FAM107B: variants seen among roughly 807,000 people sequenced by gnomAD.
The protein encoded by FAM107B is protein FAM107B.
FAM107B carries 21 observed loss-of-function variants against 31.5 expected under a neutral mutation model. That is an observed-to-expected ratio of 0.67 (90% CI 0.47 to 0.96). The LOEUF is 0.96. Among genes scored for constraint, FAM107B ranks in the 40% least tolerant of loss-of-function variants. The pLI is 0.00. For synonymous variants in FAM107B, 157 were observed against 141.5 expected (o/e 1.11, Z -0.78); for missense variants, 452 against 377.1 (o/e 1.20, Z -1.64).
chr10:14,615,724 G>A (rs1332273823), intron 2 of FAM107B, among the ~76,000 whole-genome samples: 2 of 152,238 alleles, frequency 1.3e-5, no homozygotes, highest in African/African-American at 4.8e-5. Context: ...GTGGAAAGGA[G>A]TGAGCTAGAT....
intron 2 of FAM107B, among the ~76,000 whole-genome samples, chr10:14,666,344 G>A (rs914719314): frequency 6.6e-6 from 1 of 152,146 alleles, no homozygotes; most frequent in African/African-American, 2.4e-5. Flanking sequence ...CATGACAGTA[G>A]CAAGGAGAAG....
chr10:14,754,157 T>A (rs990036504), intron 1 of FAM107B, among the ~76,000 whole-genome samples: 11 of 152,176 alleles, frequency 7.2e-5, no homozygotes, highest in African/African-American at 2.7e-4. Flanking sequence ...CAGACTGGTC[T>A]CAAACTCCTG....
intron 1 of FAM107B, among the ~76,000 whole-genome samples, chr10:14,728,575 A>G (rs1856090884): frequency 6.6e-6 from 1 of 152,160 alleles, no homozygotes; most frequent in Non-Finnish European, 1.5e-5. Flanking sequence ...CCACCCTGAT[A>G]TCTCCTTAGA....
chr10:14,546,415 G>C (rs1848698440), intron 2 of FAM107B, among the ~76,000 whole-genome samples: 1 of 152,180 alleles, frequency 6.6e-6, no homozygotes, highest in South Asian at 2.1e-4. Context: ...ATTACCTCTG[G>C]ATCAGTAACT....
chr10:14,663,091 T>C (rs1163050150), intron 2 of FAM107B, among the ~76,000 whole-genome samples: 1 of 152,238 alleles, frequency 6.6e-6, no homozygotes, highest in Non-Finnish European at 1.5e-5. Flanking sequence ...GTTCTTCAGC[T>C]TTTGGACTCT....
At chr10:14,625,133 G>C (rs923831212) in intron 2 of FAM107B, among the ~76,000 whole-genome samples, 1 of 151,774 alleles carries the variant, frequency 6.6e-6, no homozygotes, top group Non-Finnish European at 1.5e-5. Flanking sequence ...GCTGAGGCAG[G>C]AGAATTGCTT....
intron 1 of FAM107B, chr10:14,723,373 C>T (rs1257055728): frequency 5.5e-6 from 3 of 548,080 alleles, no homozygotes; most frequent in African/African-American, 3.8e-5. Flanking sequence ...TCGATTTGCC[C>T]TGAAATTCCT....
chr10:14,567,333 C>A (rs1220740983), intron 2 of FAM107B, among the ~76,000 whole-genome samples: 1 of 152,086 alleles, frequency 6.6e-6, no homozygotes, highest in African/African-American at 2.4e-5. Context: ...CAGAGAATGG[C>A]CTTCGCACGA....
intron 2 of FAM107B, among the ~76,000 whole-genome samples, chr10:14,588,772 G>C (rs1460188499): frequency 6.6e-6 from 1 of 152,120 alleles, no homozygotes; most frequent in Non-Finnish European, 1.5e-5. Flanking sequence ...CAGCTTCAGA[G>C]CTCCCCAGGA....
At chr10:14,584,467 A>T (rs1198163471) in intron 2 of FAM107B, among the ~76,000 whole-genome samples, 1 of 152,252 alleles carries the variant, frequency 6.6e-6, no homozygotes, top group African/African-American at 2.4e-5. Context: ...TAAACAAAAA[A>T]GTCTCAAAAC....
At position 14,522,372 on chromosome 10, in the gene FAM107B, G is replaced by A. The variant is rs1003719597; in HGVS notation, c.654-353C>T. On this transcript the variant is annotated intron_variant, in intron 3 of 4. Coordinates refer to ENST00000181796, the MANE Select transcript of FAM107B (RefSeq NM_031453.4). Reference sequence around the variant, plus strand: ...AGACGGAGATGGTCAGGAAATGAGGGGGCTCTGCATGGAGGGGAGGCTTCC... The same window carrying A: ...AGACGGAGATGGTCAGGAAATGAGGAGGCTCTGCATGGAGGGGAGGCTTCC... 9 of 195,158 alleles carry A rather than the reference G, an allele frequency of 4.6e-5. No individual in the cohort carries two copies. The East Asian group carries it at 6.7e-4, about 15-fold the overall frequency. The allele number at this position is 195,158 out of a possible 1,614,324, so 12.1% of individuals were successfully genotyped here. A position where few individuals can be genotyped will look rare whatever the true frequency, so the allele number is the denominator to read the frequency against.
chr10:14,604,143 CGAGAGGGT>C, intron 2 of FAM107B: 4 of 840,582 alleles, frequency 4.8e-6, no homozygotes, highest in Non-Finnish European at 4.3e-6. Context: ...GCCCGCCCGC[CGAGAGGGT>C]CCCCGGAGCC....
chr10:14,560,127 T>C (rs1850109910), intron 2 of FAM107B, among the ~76,000 whole-genome samples: 1 of 152,140 alleles, frequency 6.6e-6, no homozygotes, highest in African/African-American at 2.4e-5. Context: ...GGTCCTTGTG[T>C]ACCCCACACT....
chr10:14,544,721 C>T (rs1311704890), intron 2 of FAM107B, among the ~76,000 whole-genome samples: 2 of 151,774 alleles, frequency 1.3e-5, no homozygotes, highest in East Asian at 1.9e-4. Context: ...ATATTTATTC[C>T]GGCATGGTCT....
intron 2 of FAM107B, among the ~76,000 whole-genome samples, chr10:14,588,708 C>T (rs1224021083): frequency 1.3e-5 from 2 of 152,122 alleles, no homozygotes; most frequent in Non-Finnish European, 2.9e-5. Flanking sequence ...TCCTCCCCAC[C>T]CATCACCCCA....
intron 2 of FAM107B, among the ~76,000 whole-genome samples, chr10:14,590,888 C>A (rs1851994237): frequency 6.7e-6 from 1 of 148,750 alleles, no homozygotes; most frequent in Non-Finnish European, 1.5e-5. Flanking sequence ...ACTTGAGAGG[C>A]TGAGGCAGGA....
intron 1 of FAM107B, among the ~76,000 whole-genome samples, chr10:14,768,367 T>C (rs1240056832): frequency 6.6e-6 from 1 of 152,198 alleles, no homozygotes. Flanking sequence ...AGAACAACAT[T>C]GGAAGTCTCA....
intron 2 of FAM107B, among the ~76,000 whole-genome samples, chr10:14,616,331 A>T (rs1184567417): frequency 6.6e-6 from 1 of 152,218 alleles, no homozygotes; most frequent in Non-Finnish European, 1.5e-5. Flanking sequence ...CACCACAGAA[A>T]TGAAAAGACA....
At chr10:14,762,299 A>G (rs1833064427) in intron 1 of FAM107B, among the ~76,000 whole-genome samples, 1 of 152,168 alleles carries the variant, frequency 6.6e-6, no homozygotes, top group Non-Finnish European at 1.5e-5. Flanking sequence ...TTTGCCAACT[A>G]CACTCACAGA....
Sources: gnomAD v4.1 joint callset for allele counts (sites outside exome capture counted in the v4.1 genomes callset) on GRCh38, gnomAD v4.1.1 for gene constraint, MANE v1.5 for transcripts, NCBI Gene and HGNC (gene_info 2026-07-23, HGNC 2026-07-21) for gene names.